CRACD: variants seen among roughly 807,000 people sequenced by gnomAD.
CRACD encodes capping protein inhibiting regulator of actin dynamics, also known as capping protein-inhibiting regulator of actin dynamics.
Under a neutral mutation model 106.8 loss-of-function variants are expected in CRACD, and 56 were observed. The observed-to-expected ratio is 0.52, with a 90% CI of 0.42 to 0.66. The LOEUF is 0.66. Ranked by LOEUF, CRACD falls within the 30% of genes least tolerant of loss-of-function variation. The probability of loss-of-function intolerance (pLI) is 0.00; values close to 1 mark genes in which losing one functional copy is unlikely to be tolerated. For missense variants in CRACD, 1,730 were observed against 1,623.2 expected (o/e 1.07, Z -1.13); for synonymous variants, 754 against 670.8 (o/e 1.12, Z -1.92).
intron 1 of CRACD, among the ~76,000 whole-genome samples, chr4:56,113,242 G>T (rs544494449): frequency 6.6e-6 from 1 of 152,218 alleles, no homozygotes; most frequent in South Asian, 2.1e-4. Flanking sequence ...GCTGTTTATT[G>T]TTCTATTGTG....
chr4:56,321,177 A>G, intron 8 of CRACD: 1 of 275,926 alleles, frequency 3.6e-6, no homozygotes, highest in Non-Finnish European at 7.2e-6. Context: ...GCAGTTGTGG[A>G]GGATAAACGG....
chr4:56,215,598 T>A (rs1738637423), intron 2 of CRACD, among the ~76,000 whole-genome samples: 1 of 152,214 alleles, frequency 6.6e-6, no homozygotes, highest in Non-Finnish European at 1.5e-5. Context: ...CGAGTCTAAG[T>A]CTGTCACCTG....
At chr4:56,194,416 A>G (rs1242057088) in intron 2 of CRACD, among the ~76,000 whole-genome samples, 1 of 152,250 alleles carries the variant, frequency 6.6e-6, no homozygotes, top group Non-Finnish European at 1.5e-5. Context: ...AAATTGAATA[A>G]GGAACAACTA....
chr4:56,199,681 C>CAAAAAAAAAAAAAAAAAAA (rs372264328), intron 2 of CRACD, among the ~76,000 whole-genome samples: 1 of 101,272 alleles, frequency 9.9e-6, no homozygotes, highest in Non-Finnish European at 1.9e-5. Context: ...AACTCCGTCT[C>CAAAAAAAAAAAAAAAAAAA]AAAAAAAAAA....
At chr4:56,203,876 C>A (rs1238641300) in intron 2 of CRACD, among the ~76,000 whole-genome samples, 2 of 152,208 alleles carry the variant, frequency 1.3e-5, no homozygotes, top group East Asian at 3.9e-4. Flanking sequence ...TTGCTGAGTT[C>A]ATCTAGTACC....
At position 56,242,282 on chromosome 4, in the gene CRACD, C is replaced by T. The variant is rs1012559890; in HGVS notation, c.-188-30039C>T. On this transcript the variant is annotated intron_variant, in intron 2 of 10. Coordinates refer to ENST00000682029, the MANE Select transcript of CRACD (RefSeq NM_001393381.1). ...CATGAGTATACAGCCACAGGATGAA[C>T]GGAAAAATAAAACCATCCTTATTTT... Among the ~76,000 whole-genome samples the T allele has an allele frequency of 2.0e-5, 3 of 151,948 alleles. No individual in the cohort carries two copies. The South Asian group carries it at 6.2e-4, about 32-fold the overall frequency.
intron 1 of CRACD, among the ~76,000 whole-genome samples, chr4:56,145,035 G>A (rs979673169): frequency 3.3e-5 from 5 of 152,010 alleles, no homozygotes; most frequent in East Asian, 1.9e-4. Context: ...TTATCCCCCC[G>A]CCCCAGCCTC....
intron 2 of CRACD, among the ~76,000 whole-genome samples, chr4:56,198,627 T>C (rs1317737238): frequency 1.3e-5 from 2 of 152,140 alleles, no homozygotes; most frequent in African/African-American, 2.4e-5. Flanking sequence ...GGTACGATGC[T>C]CTGAGTTATT....
At chr4:56,264,358 A>G (rs1237383880) in intron 2 of CRACD, among the ~76,000 whole-genome samples, 2 of 152,208 alleles carry the variant, frequency 1.3e-5, no homozygotes, top group Admixed American at 6.5e-5. Context: ...CCTTAAAAAA[A>G]AGAGAGAGAG....
chr4:56,286,088 A>T (rs1336529862), intron 3 of CRACD, among the ~76,000 whole-genome samples: 1 of 151,910 alleles, frequency 6.6e-6, no homozygotes, highest in African/African-American at 2.4e-5. Flanking sequence ...TGGCAAATTA[A>T]CTCCTTTAAG....
At chr4:56,294,542 C>T (rs1451613627) in intron 3 of CRACD, among the ~76,000 whole-genome samples, 1 of 152,054 alleles carries the variant, frequency 6.6e-6, no homozygotes, top group African/African-American at 2.4e-5. Context: ...ATTGTAAAAA[C>T]ATCAGTTTAA....
chr4:56,297,388 C>T (rs1460357511), intron 3 of CRACD, among the ~76,000 whole-genome samples: 1 of 152,080 alleles, frequency 6.6e-6, no homozygotes, highest in Non-Finnish European at 1.5e-5. Context: ...GCCAGGAGTT[C>T]AAAACCAGCC....
At chr4:56,049,625 C>A (rs922565194) in intron 1 of CRACD, among the ~76,000 whole-genome samples, 2 of 152,198 alleles carry the variant, frequency 1.3e-5, no homozygotes, top group African/African-American at 4.8e-5. Context: ...GCCTCGCCAT[C>A]CTGTCCCCAG....
intron 1 of CRACD, among the ~76,000 whole-genome samples, chr4:56,062,408 G>T (rs899187679): frequency 3.3e-5 from 5 of 152,170 alleles, no homozygotes; most frequent in Non-Finnish European, 2.9e-5. Context: ...GGAAGGCTGA[G>T]GCATGTGAAC....
chr4:56,154,425 C>T (rs952405918), intron 1 of CRACD, among the ~76,000 whole-genome samples: 11 of 152,136 alleles, frequency 7.2e-5, no homozygotes, highest in Admixed American at 2.0e-4. Flanking sequence ...AAGATCACGC[C>T]GTTGCACTCC....
At chr4:56,168,138 G>T (rs1298844181) in intron 1 of CRACD, among the ~76,000 whole-genome samples, 1 of 152,174 alleles carries the variant, frequency 6.6e-6, no homozygotes. Flanking sequence ...ATTTTGCCAT[G>T]TTGCCAATCT....
intron 1 of CRACD, among the ~76,000 whole-genome samples, chr4:56,132,854 A>G (rs1008583980): frequency 6.6e-6 from 1 of 152,150 alleles, no homozygotes; most frequent in African/African-American, 2.4e-5. Flanking sequence ...CGTTCTCATC[A>G]ATTAGCTAAT....
At chr4:56,080,215 T>A (rs1317598871) in intron 1 of CRACD, among the ~76,000 whole-genome samples, 1 of 152,104 alleles carries the variant, frequency 6.6e-6, no homozygotes, top group Non-Finnish European at 1.5e-5. Context: ...TAATCTTTTT[T>A]AAAAAACGGT....
intron 2 of CRACD, among the ~76,000 whole-genome samples, chr4:56,212,017 A>G (rs1256152882): frequency 1.3e-5 from 2 of 152,044 alleles, no homozygotes; most frequent in African/African-American, 4.8e-5. Context: ...CCAGGAGGCT[A>G]TTCATTTTTA....
Sources: allele counts gnomAD v4.1 joint callset (sites outside exome capture counted in the v4.1 genomes callset), GRCh38; gene constraint gnomAD v4.1.1; transcripts MANE v1.5; gene names NCBI Gene and HGNC (gene_info 2026-07-23, HGNC 2026-07-21).